The following GRIA4 variants were observed in gnomAD, a reference collection of about 807,000 sequenced individuals.
GRIA4 encodes the protein glutamate ionotropic receptor AMPA type subunit 4.
In GRIA4, 34 loss-of-function variants were observed where a neutral mutation model predicts 104.0. The ratio of observed to expected loss-of-function variants is 0.33; its 90% CI spans 0.25 to 0.44. The LOEUF (loss-of-function observed/expected upper bound fraction) is 0.44, where lower values mean the gene tolerates loss of function less well. Ranked by LOEUF, GRIA4 falls within the 20% of genes least tolerant of loss-of-function variation. The pLI is 1.00. For missense variants in GRIA4, 750 were observed against 1,096.5 expected, an observed-to-expected ratio of 0.68 and a Z score of 4.46; for synonymous variants, 386 against 381.9, an observed-to-expected ratio of 1.01 and a Z score of -0.13.
chr11:105,817,321 T>G (rs796646211), intron 4 of GRIA4, among the ~76,000 whole-genome samples: 3 of 148,794 alleles, frequency 2.0e-5, no homozygotes, highest in African/African-American at 7.5e-5. Flanking sequence ...ATTAAGAATT[T>G]TTGAGTATCT....
chr11:105,946,894 G>A (rs921007249), intron 14 of GRIA4, among the ~76,000 whole-genome samples: 6 of 152,166 alleles, frequency 3.9e-5, no homozygotes, highest in African/African-American at 7.2e-5. Flanking sequence ...AATAGTCATC[G>A]TCTTCCAGTA....
intron 3 of GRIA4, among the ~76,000 whole-genome samples, chr11:105,616,297 T>C (rs929414122): frequency 6.6e-6 from 1 of 151,726 alleles, no homozygotes; most frequent in African/African-American, 2.4e-5. Context: ...ATCAATATTA[T>C]GCCCTAGTAA....
intron 6 of GRIA4, among the ~76,000 whole-genome samples, chr11:105,890,778 C>G (rs1946426960): frequency 6.6e-6 from 1 of 152,160 alleles, no homozygotes; most frequent in Admixed American, 6.5e-5. Flanking sequence ...GGGCATGCCC[C>G]TCCCTGATTC....
intron 3 of GRIA4, among the ~76,000 whole-genome samples, chr11:105,632,871 G>C (rs1375594468): frequency 2.6e-5 from 4 of 152,136 alleles, no homozygotes; most frequent in African/African-American, 9.7e-5. Flanking sequence ...AGTAAACACA[G>C]AAATAATAAT....
At position 105,910,523 on chromosome 11, in the gene GRIA4, C is replaced by G; in HGVS notation, c.1247C>G (p.Thr416Arg). Residue 416 changes from threonine (T) to arginine (R), a missense_variant, in exon 10 of 17, where the codon ACA becomes AGA. This residue lies in a region of GRIA4 where 410 missense variants were observed against 502.7 expected (regional missense o/e 0.82). Coordinates refer to ENST00000282499, the MANE Select transcript of GRIA4 (RefSeq NM_000829.4). ...GNDTAAIENRTVVVTTIMESP... is the reference protein window; with the variant it reads ...GNDTAAIENRRVVVTTIMESP... ...GACACAGCTGCTATTGAGAACAGAACAGTGGTTGTAACCACAATTATGGTA... is the reference window on the plus strand; with the variant it reads ...GACACAGCTGCTATTGAGAACAGAAGAGTGGTTGTAACCACAATTATGGTA... 6.4e-7 allele frequency: 1 copy of G among 1,560,706 alleles called. No homozygotes were observed. The highest frequency in any genetic ancestry group is 8.8e-7 in the Non-Finnish European group (1 of 1,131,280).
intron 4 of GRIA4, among the ~76,000 whole-genome samples, chr11:105,837,116 C>T (rs1944221968): frequency 6.6e-6 from 1 of 152,064 alleles, no homozygotes; most frequent in Non-Finnish European, 1.5e-5. Context: ...AACTGTCAAA[C>T]ACTTATAAAA....
At chr11:105,639,953 T>A (rs1951313533) in intron 3 of GRIA4, among the ~76,000 whole-genome samples, 1 of 151,954 alleles carries the variant, frequency 6.6e-6, no homozygotes, top group African/African-American at 2.4e-5. Flanking sequence ...TGTTTCCTAT[T>A]TTTTTATGCT....
chr11:105,719,232 G>C (rs1385902366), intron 3 of GRIA4, among the ~76,000 whole-genome samples: 1 of 152,006 alleles, frequency 6.6e-6, no homozygotes, highest in Non-Finnish European at 1.5e-5. Context: ...ACTCAATAGG[G>C]TTCCCCATTT....
At chr11:105,645,577 A>G (rs961562298) in intron 3 of GRIA4, among the ~76,000 whole-genome samples, 1 of 152,238 alleles carries the variant, frequency 6.6e-6, no homozygotes, top group African/African-American at 2.4e-5. Context: ...TGAAGATTAT[A>G]AAAACAACAA....
chr11:105,852,386 A>G (rs1944843599), intron 4 of GRIA4, among the ~76,000 whole-genome samples: 1 of 152,178 alleles, frequency 6.6e-6, no homozygotes, highest in East Asian at 1.9e-4. Flanking sequence ...CAGCTATAGA[A>G]AAGATTATCA....
At chr11:105,756,553 A>G (rs1008427204) in intron 4 of GRIA4, among the ~76,000 whole-genome samples, 14 of 152,116 alleles carry the variant, frequency 9.2e-5, no homozygotes, top group African/African-American at 1.7e-4. Context: ...TTCAGGTTCT[A>G]AGCTTGTAGT....
At chr11:105,777,690 T>A (rs575165694) in intron 4 of GRIA4, among the ~76,000 whole-genome samples, 2 of 152,288 alleles carry the variant, frequency 1.3e-5, no homozygotes, top group African/African-American at 4.8e-5. Flanking sequence ...ATGGCAGAGA[T>A]CCTGGAAAAG....
chr11:105,668,257 A>G (rs1262835912), intron 3 of GRIA4, among the ~76,000 whole-genome samples: 2 of 147,114 alleles, frequency 1.4e-5, no homozygotes, highest in Non-Finnish European at 3.0e-5. Context: ...ACTATATTAT[A>G]TATTCGACAT....
intron 4 of GRIA4, among the ~76,000 whole-genome samples, chr11:105,793,206 T>G (rs1448423484): frequency 6.6e-6 from 1 of 152,116 alleles, no homozygotes; most frequent in Non-Finnish European, 1.5e-5. Flanking sequence ...GGGCCCTAGA[T>G]TAGACAAGGC....
intron 3 of GRIA4, among the ~76,000 whole-genome samples, chr11:105,673,252 A>G (rs1952431388): frequency 1.3e-5 from 2 of 152,112 alleles, no homozygotes; most frequent in African/African-American, 4.8e-5. Flanking sequence ...AAGTTTGTGG[A>G]AGGTAGAGCC....
intron 3 of GRIA4, among the ~76,000 whole-genome samples, chr11:105,730,837 G>C (rs544380797): frequency 1.3e-5 from 2 of 152,298 alleles, no homozygotes; most frequent in African/African-American, 4.8e-5. Context: ...GCAGAAAACT[G>C]AAACTTGACC....
At chr11:105,710,294 C>T (rs1953865075) in intron 3 of GRIA4, among the ~76,000 whole-genome samples, 1 of 152,010 alleles carries the variant, frequency 6.6e-6, no homozygotes, top group Non-Finnish European at 1.5e-5. Flanking sequence ...CCTTTTCCTA[C>T]TTCATAGGCT....
chr11:105,906,029 G>C (rs1947030274), intron 9 of GRIA4, among the ~76,000 whole-genome samples: 1 of 152,078 alleles, frequency 6.6e-6, no homozygotes, highest in Admixed American at 6.5e-5. Flanking sequence ...GAACTAGGAT[G>C]TTCAGGGAAA....
intron 3 of GRIA4, among the ~76,000 whole-genome samples, chr11:105,747,864 T>C (rs1223772053): frequency 1.3e-5 from 2 of 152,054 alleles, no homozygotes; most frequent in Non-Finnish European, 2.9e-5. Flanking sequence ...AAATGCTCAA[T>C]ATTAAGCTCA....
Sources: allele counts gnomAD v4.1 joint callset (sites outside exome capture counted in the v4.1 genomes callset), GRCh38; gene constraint gnomAD v4.1.1; regional missense constraint gnomAD v4.1.1; transcripts MANE v1.5; gene names NCBI Gene and HGNC (gene_info 2026-07-23, HGNC 2026-07-21).